Variants in MSRB3 observed in about 807,000 individuals in gnomAD.
MSRB3 encodes the protein methionine sulfoxide reductase B3, also known as methionine-R-sulfoxide reductase B3.
MSRB3 carries 13 observed loss-of-function variants against 21.0 expected under a neutral mutation model. That is an observed-to-expected ratio of 0.62 (90% confidence interval 0.40 to 0.98). The LOEUF (loss-of-function observed/expected upper bound fraction) is 0.98. MSRB3 is among the 50% of genes least tolerant of loss of function. MSRB3 has a pLI of 0.00. For synonymous variants in MSRB3, 87 were observed against 88.6 expected (o/e 0.98, Z 0.10); for missense variants, 199 against 230.3 (o/e 0.86, Z 0.88).
intron 5 of MSRB3, 78 bp from the exon 6 acceptor site, chr12:65,453,650 A>G: frequency 9.5e-7 from 1 of 1,058,046 alleles, no homozygotes. Flanking sequence ...TTTGCTTAGT[A>G]TTTCTTTAAA....
chr12:65,462,285 A>C (rs1883364054), intron 6 of MSRB3, among the ~76,000 whole-genome samples: 1 of 152,114 alleles, frequency 6.6e-6, no homozygotes, highest in African/African-American at 2.4e-5. Context: ...ATGTACCTTC[A>C]TCTCCTGGAG....
At chr12:65,279,252 C>T (rs543380146) in intron 1 of MSRB3, 232 of 221,896 alleles carry the variant, frequency 1.0e-3, no homozygotes, top group African/African-American at 5.1e-3. Context: ...CCGGAGCCCT[C>T]TGCTCTGTGC....
At chr12:65,386,632 C>T (rs1293146542) in intron 5 of MSRB3, among the ~76,000 whole-genome samples, 1 of 151,792 alleles carries the variant, frequency 6.6e-6, no homozygotes, top group East Asian at 1.9e-4. Context: ...CCTGGTTTAG[C>T]GTGTTAAGAT....
chr12:65,456,511 A>G (rs1404883419), intron 6 of MSRB3, among the ~76,000 whole-genome samples: 1 of 152,240 alleles, frequency 6.6e-6, no homozygotes. Context: ...AAATTAGGCA[A>G]CATTCCTAAA....
At chr12:65,446,218 G>T (rs1039376797) in intron 5 of MSRB3, among the ~76,000 whole-genome samples, 11 of 152,166 alleles carry the variant, frequency 7.2e-5, no homozygotes, top group Admixed American at 5.9e-4. Flanking sequence ...AACTTGAAAA[G>T]TGGTCTAAGA....
intron 1 of MSRB3, among the ~76,000 whole-genome samples, chr12:65,307,894 C>T (rs558904925): frequency 1.1e-3 from 172 of 152,146 alleles, no homozygotes; most frequent in African/African-American, 3.9e-3. Context: ...CTTAATTGTC[C>T]TTAGGTTTTC....
At chr12:65,458,262 T>A (rs1233697323) in intron 6 of MSRB3, among the ~76,000 whole-genome samples, 3 of 152,016 alleles carry the variant, frequency 2.0e-5, no homozygotes, top group Non-Finnish European at 2.9e-5. Context: ...GATCCTTTTT[T>A]AAAAAAAATT....
chr12:65,287,788 A>G (rs1872457042), intron 1 of MSRB3, among the ~76,000 whole-genome samples: 1 of 152,154 alleles, frequency 6.6e-6, no homozygotes, highest in Non-Finnish European at 1.5e-5. Flanking sequence ...CTGCGTGCAG[A>G]GCCACTTGAA....
rs140993955 is a variant in MSRB3 at position 65,366,910 on chromosome 12, A to G, written c.264-2088A>G. Among the ~76,000 whole-genome samples the G allele has an allele frequency of 5.8e-3, 889 of 152,250 alleles. 37 individuals carry two copies. The highest frequency in any genetic ancestry group is 0.053 in the Admixed American group (806 of 15,286). On this transcript the variant is annotated intron_variant, in intron 4 of 6. Transcript: ENST00000308259. ...ACACATGGGTACCCTAGAGAGTGGG[A>G]ACAGTGTTTCAGGTGGCCTGAGGGC... is the stretch of plus-strand genomic sequence containing the variant.
At chr12:65,349,760 G>T in intron 4 of MSRB3, among the ~76,000 whole-genome samples, 1 of 150,706 alleles carries the variant, frequency 6.6e-6, no homozygotes, top group East Asian at 1.9e-4. Flanking sequence ...GGGGTTGTTT[G>T]TTTTTTTCTT....
intron 2 of MSRB3, among the ~76,000 whole-genome samples, chr12:65,314,347 G>A (rs1010869009): frequency 6.6e-6 from 1 of 152,012 alleles, no homozygotes; most frequent in South Asian, 2.1e-4. Context: ...AGTTTAGCAT[G>A]TTGACTGTTA....
At chr12:65,442,076 TA>T (rs1882408153) in intron 5 of MSRB3, among the ~76,000 whole-genome samples, 1 of 152,132 alleles carries the variant, frequency 6.6e-6, no homozygotes, top group South Asian at 2.1e-4. Context: ...TGACATATCA[TA>T]AAAAGGTGTT....
chr12:65,396,766 GAT>G (rs1264653583), intron 5 of MSRB3, among the ~76,000 whole-genome samples: 1 of 146,786 alleles, frequency 6.8e-6, no homozygotes, highest in South Asian at 2.2e-4. Context: ...ACCCAGCAAA[GAT>G]ATGTTTTATG....
At chr12:65,359,153 G>T (rs892867777) in intron 4 of MSRB3, among the ~76,000 whole-genome samples, 1 of 151,976 alleles carries the variant, frequency 6.6e-6, no homozygotes, top group Non-Finnish European at 1.5e-5. Context: ...GCCCTAATGA[G>T]CTACATAGGA....
chr12:65,359,571 G>A (rs1363666862), intron 4 of MSRB3, among the ~76,000 whole-genome samples: 1 of 152,038 alleles, frequency 6.6e-6, no homozygotes, highest in Non-Finnish European at 1.5e-5. Flanking sequence ...AAATGCATAA[G>A]CAAATAAATG....
intron 2 of MSRB3, among the ~76,000 whole-genome samples, chr12:65,310,892 T>C (rs1356768311): frequency 1.3e-5 from 2 of 152,188 alleles, no homozygotes; most frequent in African/African-American, 2.4e-5. Context: ...GAGATAATAA[T>C]AGTACCAACC....
intron 4 of MSRB3, among the ~76,000 whole-genome samples, chr12:65,361,569 T>G (rs986021143): frequency 6.6e-6 from 1 of 152,192 alleles, no homozygotes; most frequent in African/African-American, 2.4e-5. Context: ...TTAGTTTCTT[T>G]GAGTCATTTT....
intron 5 of MSRB3, chr12:65,419,713 G>C (rs1305372824): frequency 1.1e-5 from 9 of 827,310 alleles, no homozygotes; most frequent in Non-Finnish European, 1.6e-5. Context: ...CCAGTTCTTG[G>C]TCTCTGGGCT....
chr12:65,307,001 G>T, intron 1 of MSRB3: 1 of 985,868 alleles, frequency 1.0e-6, no homozygotes, highest in Non-Finnish European at 1.2e-6. Flanking sequence ...AGCTGTGGAA[G>T]CACAGTGAGA....
Sources: gnomAD v4.1 joint callset for allele counts (sites outside exome capture counted in the v4.1 genomes callset) on GRCh38, gnomAD v4.1.1 for gene constraint, MANE v1.5 for transcripts, NCBI Gene and HGNC (gene_info 2026-07-23, HGNC 2026-07-21) for gene names.